Variants in ZMIZ1 observed in about 807,000 individuals in gnomAD.
ZMIZ1 encodes the protein zinc finger MIZ domain-containing protein 1.
In ZMIZ1, 17 loss-of-function variants were observed where a neutral mutation model predicts 113.9. The observed-to-expected ratio is 0.15, with a 90% CI of 0.10 to 0.22. The LOEUF is 0.22. ZMIZ1 is among the 10% of genes least tolerant of loss of function. The probability of loss-of-function intolerance (pLI) is 1.00; values close to 1 mark genes in which losing one functional copy is unlikely to be tolerated. For missense variants in ZMIZ1, 1,059 were observed against 1,477.8 expected (o/e 0.72, Z 4.65); for synonymous variants, 607 against 603.1 (o/e 1.01, Z -0.09).
At chr10:79,186,097 G>T (rs1847341559) in intron 4 of ZMIZ1, among the ~76,000 whole-genome samples, 1 of 152,160 alleles carries the variant, frequency 6.6e-6, no homozygotes, top group African/African-American at 2.4e-5. Context: ...AGGAGGGAAA[G>T]GGTGTGAAGA....
chr10:79,073,837 T>TGA (rs143058597), intron 1 of ZMIZ1, among the ~76,000 whole-genome samples: 1 of 124,546 alleles, frequency 8.0e-6, no homozygotes, highest in Non-Finnish European at 1.9e-5. Flanking sequence ...TGGGGTTGGG[T>TGA]CGGGCCCGGC....
rs1008019986 is a variant in ZMIZ1 at position 79,201,821 on chromosome 10, T to C, written c.60+129T>C. On this transcript the variant is annotated intron_variant, in intron 5 of 24. Coordinates refer to ENST00000334512, the MANE Select transcript of ZMIZ1 (RefSeq NM_020338.4). ...GACCACCTACCTATCGAGGCCGTTA[T>C]TGGCATGCTGGCACTGACCAGCCTA... 16 of 1,007,574 alleles carry C rather than the reference T, an allele frequency of 1.6e-5. No individual in the cohort carries two copies. The Admixed American group carries it at 2.5e-4, about 16-fold the overall frequency. The allele number at this position is 1,007,574 out of a possible 1,614,324, so 62.4% of individuals were successfully genotyped here.
At chr10:79,301,650 A>T (rs959218942) in intron 17 of ZMIZ1, among the ~76,000 whole-genome samples, 2 of 152,176 alleles carry the variant, frequency 1.3e-5, no homozygotes, top group African/African-American at 4.8e-5. Context: ...CCTGGGCAGC[A>T]CATCCCATTC....
At position 79,216,275 on chromosome 10, in the gene ZMIZ1, G is replaced by A; in HGVS notation, c.280+1G>A. 6.3e-7 allele frequency: 1 copy of A among 1,587,622 alleles called. No homozygotes were observed. Among genetic ancestry groups the A allele is most frequent in the Non-Finnish European group, 8.6e-7 (1 of 1,166,822 alleles). Reference sequence around the variant, plus strand: ...GACAAGTTCACCCCGAAGTCTGCCGGTAGGTGTCCGTGGGGGACTCTGCGA... The same window carrying A: ...GACAAGTTCACCCCGAAGTCTGCCGATAGGTGTCCGTGGGGGACTCTGCGA... On this transcript the variant is annotated splice_donor_variant, in intron 7 of 24. Coordinates refer to ENST00000334512, the MANE Select transcript of ZMIZ1 (RefSeq NM_020338.4). LOFTEE classifies it high-confidence loss of function.
In ZMIZ1 at chr10:79,069,376, C is replaced by G. The variant is rs1416099292; in HGVS notation, c.-337+106C>G. ...GGGGATTGGGTGCTGGGGTTTTTCCCTTAAAGTGTCCCCCGGAGCGGGGCG... is the reference window on the plus strand; with the variant it reads ...GGGGATTGGGTGCTGGGGTTTTTCCGTTAAAGTGTCCCCCGGAGCGGGGCG... On this transcript the variant is annotated intron_variant, in intron 1 of 24. Transcript: ENST00000334512. The surrounding 1 kb of genome is among the most constrained non-coding windows in gnomAD (Gnocchi z 4.6). 6.7e-6 allele frequency: 1 copy of G among 150,296 alleles called. No homozygotes were observed. Among genetic ancestry groups the G allele is most frequent in the Non-Finnish European group, 1.5e-5 (1 of 67,398 alleles). 9.3% of individuals were successfully genotyped at this position (150,296 alleles called of 1,614,324 possible).
At chr10:79,190,822 A>G (rs1847568783) in intron 4 of ZMIZ1, among the ~76,000 whole-genome samples, 1 of 152,196 alleles carries the variant, frequency 6.6e-6, no homozygotes, top group African/African-American at 2.4e-5. Context: ...CTTAGCTTGA[A>G]AAGAACCTGG....
At chr10:79,199,564 A>AG (rs1249245512) in intron 4 of ZMIZ1, among the ~76,000 whole-genome samples, 1 of 152,114 alleles carries the variant, frequency 6.6e-6, no homozygotes, top group African/African-American at 2.4e-5. Flanking sequence ...TATCATCAAG[A>AG]GGGGGGAAAA....
chr10:79,269,947 C>T (rs754697940), intron 7 of ZMIZ1, among the ~76,000 whole-genome samples: 16 of 152,234 alleles, frequency 1.1e-4, no homozygotes, highest in Non-Finnish European at 1.8e-4. Flanking sequence ...CCTGTCTGAA[C>T]AGTACATGTA....
Position 79,100,690 on chromosome 10 carries a change from C to T in ZMIZ1, c.-336-18225C>T, listed in dbSNP as rs76722432. Among the ~76,000 whole-genome samples the T allele has an allele frequency of 3.9e-3, 601 of 152,282 alleles. 28 individuals carry two copies. In the East Asian group the frequency reaches 0.1, roughly 26 times the overall value. Reference sequence around the variant, plus strand: ...CACAGGGGTCCCATGATCCCTGCTGCGTTCCAGGAGAGAGGGCATGAGGCT... The same window carrying T: ...CACAGGGGTCCCATGATCCCTGCTGTGTTCCAGGAGAGAGGGCATGAGGCT... On this transcript the variant is annotated intron_variant, in intron 1 of 24. Coordinates refer to ENST00000334512, the MANE Select transcript of ZMIZ1 (RefSeq NM_020338.4).
At chr10:79,186,684 T>A (rs1282058825) in intron 4 of ZMIZ1, among the ~76,000 whole-genome samples, 1 of 152,184 alleles carries the variant, frequency 6.6e-6, no homozygotes, top group Non-Finnish European at 1.5e-5. Flanking sequence ...AAGTAGCACT[T>A]TGGAATTTTC....
At chr10:79,075,764 T>A (rs1356862873) in intron 1 of ZMIZ1, among the ~76,000 whole-genome samples, 2 of 152,234 alleles carry the variant, frequency 1.3e-5, no homozygotes, top group East Asian at 3.8e-4. Flanking sequence ...GAGCCTCTGA[T>A]TCAATGCAGA....
intron 3 of ZMIZ1, among the ~76,000 whole-genome samples, chr10:79,154,320 CCAGGCCCATTTAATGCTG>C (rs1385931659): frequency 1.3e-5 from 2 of 152,130 alleles, no homozygotes; most frequent in African/African-American, 4.8e-5. Flanking sequence ...AGAGCCTCTG[CCAGGCCCATTTAATGCTG>C]CAGGGCATTT....
intron 7 of ZMIZ1, among the ~76,000 whole-genome samples, chr10:79,263,901 C>A (rs1851418631): frequency 6.6e-6 from 1 of 152,068 alleles, no homozygotes; most frequent in Admixed American, 6.5e-5. Context: ...GGAGAGGACA[C>A]AGCTAAACTG....
chr10:79,304,608 G>T (rs928510705), intron 19 of ZMIZ1, among the ~76,000 whole-genome samples: 1 of 152,222 alleles, frequency 6.6e-6, no homozygotes, highest in Non-Finnish European at 1.5e-5. Flanking sequence ...GGGCAGCCCG[G>T]CCTGGAAGAA....
At chr10:79,108,865 C>T (rs910935071) in intron 1 of ZMIZ1, among the ~76,000 whole-genome samples, 14 of 152,052 alleles carry the variant, frequency 9.2e-5, no homozygotes, top group African/African-American at 3.4e-4. Flanking sequence ...CTGCCTGGCT[C>T]CTGGGGCTGA....
chr10:79,266,126 T>C (rs1851586809), intron 7 of ZMIZ1, among the ~76,000 whole-genome samples: 1 of 152,208 alleles, frequency 6.6e-6, no homozygotes, highest in Non-Finnish European at 1.5e-5. Context: ...CAGAGAGCAG[T>C]GCCCACCCCC....
chr10:79,281,711 C>T (rs959617309), intron 8 of ZMIZ1, among the ~76,000 whole-genome samples: 10 of 152,288 alleles, frequency 6.6e-5, no homozygotes, highest in African/African-American at 1.9e-4. Context: ...TTCCGTGGAG[C>T]GAGGCTTCCT....
At chr10:79,214,707 C>T (rs1402480766) in intron 6 of ZMIZ1, among the ~76,000 whole-genome samples, 1 of 152,164 alleles carries the variant, frequency 6.6e-6, no homozygotes, top group Non-Finnish European at 1.5e-5. Flanking sequence ...CAGCAGAGTC[C>T]CCCCTTTTTC....
At chr10:79,299,616 G>A (rs1039284013) in intron 16 of ZMIZ1, among the ~76,000 whole-genome samples, 4 of 152,240 alleles carry the variant, frequency 2.6e-5, no homozygotes, top group Non-Finnish European at 5.9e-5. Flanking sequence ...TATTGCAGGG[G>A]GCTGACCATT....
Sources: allele counts gnomAD v4.1 joint callset (sites outside exome capture counted in the v4.1 genomes callset), GRCh38; gene constraint gnomAD v4.1.1; non-coding constraint Gnocchi (gnomAD v3.1); transcripts MANE v1.5; gene names NCBI Gene and HGNC (gene_info 2026-07-23, HGNC 2026-07-21).